The following WRNIP1 variants were observed in gnomAD, a reference collection of about 807,000 sequenced individuals.
WRNIP1 encodes the protein WRN helicase interacting protein 1, also known as ATPase WRNIP1.
Under a neutral mutation model 56.1 loss-of-function variants are expected in WRNIP1, and 41 were observed. The ratio of observed to expected loss-of-function variants is 0.73; its 90% CI spans 0.57 to 0.95. WRNIP1 has a LOEUF of 0.95. Among genes scored for constraint, WRNIP1 ranks in the 40% least tolerant of loss-of-function variants. WRNIP1 has a pLI of 0.00. For missense variants in WRNIP1, 1,170 were observed against 939.4 expected, an observed-to-expected ratio of 1.25 and a Z score of -3.21; for synonymous variants, 547 against 398.1, an observed-to-expected ratio of 1.37 and a Z score of -4.45.
chr6:2,769,001 G>A, intron 2 of WRNIP1, 119 bp downstream of exon 2: 1 of 989,086 alleles, frequency 1.0e-6, no homozygotes, highest in Non-Finnish European at 1.4e-6. Context: ...GCGTAGGCTT[G>A]TGAACCCATC....
chr6:2,765,629 G>A lies in WRNIP1; in HGVS notation c.7G>A (p.Val3Met). 3 of 1,534,140 alleles carry A rather than the reference G, an allele frequency of 2.0e-6. No individual in the cohort carries two copies. The South Asian group carries it at 3.5e-5, about 18-fold the overall frequency. ...GGGGAGGGCGGCGGCCGCCATGGAG[G>A]TGAGCGGGCCGGAAGACGACCCCTT... ME[V>M]SGPEDDPFLS... Residue 3 changes from valine (V) to methionine (M), a missense_variant, in exon 1 of 7, where the codon GTG becomes ATG. Val to Met is a conservative substitution (Grantham distance 21). Transcript: ENST00000380773.
chr6:2,783,788 A>G (rs1433823104), intron 5 of WRNIP1, among the ~76,000 whole-genome samples: 1 of 152,142 alleles, frequency 6.6e-6, no homozygotes, highest in Non-Finnish European at 1.5e-5. Flanking sequence ...TTATGTTCAT[A>G]AAGTCACCAT....
At chr6:2,770,085 G>A (rs1482194072) in intron 2 of WRNIP1, 35 bp from the exon 3 acceptor site, 1 of 1,611,840 alleles carries the variant, frequency 6.2e-7, no homozygotes, top group African/African-American at 1.3e-5. Flanking sequence ...GCTGTTGACT[G>A]GAATCACTTT....
intron 3 of WRNIP1, chr6:2,774,286 G>C (rs1765381935): frequency 3.0e-6 from 3 of 985,262 alleles, no homozygotes; most frequent in African/African-American, 3.5e-5. Flanking sequence ...TCCTGTGGCT[G>C]CTGTAACAAT....
intron 3 of WRNIP1, among the ~76,000 whole-genome samples, chr6:2,778,688 C>T (rs944372842): frequency 1.3e-5 from 2 of 152,176 alleles, no homozygotes; most frequent in East Asian, 1.9e-4. Context: ...CCAAGAGAAT[C>T]CTGAGACCTG....
chr6:2,779,328 G>A lies in WRNIP1; in HGVS notation c.1322G>A (p.Arg441Gln). Reference protein sequence around the residue: ...TLAYLSDGDARAGLNGLQLAV... With the variant: ...TLAYLSDGDAQAGLNGLQLAV... ...GCTTACCTCAGTGACGGTGACGCCC[G>A]AGCTGGGTTGAACGGACTGCAGCTG... The change falls in exon 4 of 7, where the codon CGA becomes CAA. Residue 441 changes from arginine to glutamine, a missense_variant. By Grantham distance (43) the Arg-to-Gln change is conservative. Coordinates refer to ENST00000380773, the MANE Select transcript of WRNIP1 (RefSeq NM_020135.3). The A allele has an allele frequency of 6.2e-6, 10 of 1,614,202 alleles. No individual in the cohort carries two copies. The highest frequency in any genetic ancestry group is 8.5e-6 in the Non-Finnish European group (10 of 1,180,038).
rs191526119 is a variant in WRNIP1 at position 2,766,156 on chromosome 6, G to T, written c.534G>T (p.Ala178=). 33 of 1,329,304 alleles carry T rather than the reference G, an allele frequency of 2.5e-5. No individual in the cohort carries two copies. In the African/African-American group the frequency reaches 4.9e-4, roughly 20 times the overall value. The allele number at this position is 1,329,304 out of a possible 1,614,324, so 82.3% of individuals were successfully genotyped here. The change falls in exon 1 of 7, where the codon GCG becomes GCT. Residue 178 remains alanine, a synonymous_variant. Coordinates refer to ENST00000380773, the MANE Select transcript of WRNIP1 (RefSeq NM_020135.3). ...AVGDGDGDGD[A]DADGEDDPGH... ...GCGACGGCGATGGCGACGGGGACGCGGACGCGGACGGCGAGGACGACCCGG... is the reference window on the plus strand; with the variant it reads ...GCGACGGCGATGGCGACGGGGACGCTGACGCGGACGGCGAGGACGACCCGG...
chr6:2,772,189 A>T (rs1388616515), intron 3 of WRNIP1, among the ~76,000 whole-genome samples: 9 of 152,240 alleles, frequency 5.9e-5, no homozygotes, highest in Admixed American at 3.9e-4. Flanking sequence ...ATTTGCAGGC[A>T]CATTAAAGTT....
intron 3 of WRNIP1, among the ~76,000 whole-genome samples, chr6:2,775,382 G>A (rs1395637648): frequency 6.6e-6 from 1 of 152,204 alleles, no homozygotes; most frequent in African/African-American, 2.4e-5. Context: ...ACATGTGGCT[G>A]TATTTGTGTC....
chr6:2,767,744 C>A (rs1347124653), intron 1 of WRNIP1, among the ~76,000 whole-genome samples: 3 of 152,176 alleles, frequency 2.0e-5, no homozygotes, highest in African/African-American at 7.2e-5. Flanking sequence ...CTTAGGGAGA[C>A]GAGTGGGTGA....
Position 2,783,653 on chromosome 6 carries a change from T to TTTTTTTGGGGG in WRNIP1, c.1642+92_1642+93insTTTTTTGGGGG. 1.2e-4 allele frequency: 15 copies of TTTTTTTGGGGG among 120,094 alleles called. 2 individuals carry two copies. Among genetic ancestry groups the TTTTTTTGGGGG allele is most frequent in the South Asian group, 8.6e-4 (3 of 3,482 alleles). The allele number at this position is 120,094 out of a possible 1,614,324, so 7.4% of individuals were successfully genotyped here. A position where few individuals can be genotyped will look rare whatever the true frequency, so the allele number is the denominator to read the frequency against. Reference sequence around the variant, plus strand: ...TCGTGGCTTTTTTTTTTTTTTTTTTTGCAGGGCGGGGTGGGCGGGGGTAGC... The same window carrying TTTTTTTGGGGG: ...TCGTGGCTTTTTTTTTTTTTTTTTTTTTTTTTGGGGGGCAGGGCGGGGTGGGCGGGGGTAGC... On this transcript the variant is annotated intron_variant, in intron 5 of 6. Transcript: ENST00000380773.
Position 2,785,279 on chromosome 6 carries a change from C to T in WRNIP1, c.1995C>T (p.Cys665=). The T allele has an allele frequency of 6.2e-7, 1 of 1,613,216 alleles. No homozygotes were observed. Among genetic ancestry groups the T allele is most frequent in the Non-Finnish European group, 8.5e-7 (1 of 1,179,436 alleles). The change falls in exon 7 of 7, where the codon TGC becomes TGT. Residue 665 remains cysteine, a synonymous_variant. Transcript: ENST00000380773. Reference sequence around the variant, plus strand: ...TAGATTTCTTCAAGCAGAGGAGGTGCTGACTCCTCAGGGCACGACAGCAGA... The same window carrying T: ...TAGATTTCTTCAAGCAGAGGAGGTGTTGACTCCTCAGGGCACGACAGCAGA... The part of the protein sequence containing the change: ...RGVDFFKQRR[C]
intron 3 of WRNIP1, chr6:2,774,266 T>C: frequency 1.0e-6 from 1 of 985,440 alleles, no homozygotes; most frequent in African/African-American, 1.7e-5. Context: ...TCATGGTCCT[T>C]GGATGCACTT....
chr6:2,781,679 G>A (rs1765564268), intron 4 of WRNIP1, among the ~76,000 whole-genome samples: 1 of 152,242 alleles, frequency 6.6e-6, no homozygotes, highest in South Asian at 2.1e-4. Context: ...TGACATCGGG[G>A]TTCTATAGAA....
intron 2 of WRNIP1, among the ~76,000 whole-genome samples, chr6:2,769,172 T>C (rs547139106): frequency 3.3e-5 from 5 of 152,374 alleles, no homozygotes; most frequent in Admixed American, 1.3e-4. Context: ...TTAATCTAAA[T>C]ACTAGGAGTC....
chr6:2,774,641 A>AG (rs1260675529), intron 3 of WRNIP1, among the ~76,000 whole-genome samples: 3 of 152,230 alleles, frequency 2.0e-5, no homozygotes, highest in Non-Finnish European at 4.4e-5. Flanking sequence ...TCCAGGGATT[A>AG]GGACTTACAT....
chr6:2,779,488 G>A lies in WRNIP1; in HGVS notation c.1482G>A (p.Arg494=). The A allele has an allele frequency of 6.2e-7, 1 of 1,612,884 alleles. No homozygotes were observed. ...AGCGATCCCACATTTTATATGACCG[G>A]GCAGGTAAGTAATTCACCTGTGGAA... ...GLQRSHILYD[R]AGEEHYNCIS... The change falls in exon 4 of 7, where the codon CGG becomes CGA. Residue 494 remains arginine, a synonymous_variant. Transcript: ENST00000380773.
At position 2,783,290 on chromosome 6, in the gene WRNIP1, G is replaced by A. The variant is rs566400822; in HGVS notation, c.1487-116G>A. The A allele has an allele frequency of 9.7e-5, 116 of 1,192,928 alleles. 1 individual carries two copies. The South Asian group carries it at 1.3e-3, about 13-fold the overall frequency. 73.9% of individuals were successfully genotyped at this position (1,192,928 alleles called of 1,614,324 possible). A position where few individuals can be genotyped will look rare whatever the true frequency, so the allele number is the denominator to read the frequency against. On this transcript the variant is annotated intron_variant, in intron 4 of 6. Coordinates refer to ENST00000380773, the MANE Select transcript of WRNIP1 (RefSeq NM_020135.3). ...AAGGCAGCTGCCCAAACCTCTCCTC[G>A]GCTTTCTCAGGGCCTTTATTCGTTC...
chr6:2,766,063 C>T lies in WRNIP1; in HGVS notation c.441C>T (p.Ala147=), dbSNP rs1167626337. ...CGGGGAAGAGGCCGGCGGCCGCCGCCGCGGCGGGGAGCGCGTCTCCGCGCA... is the reference window on the plus strand; with the variant it reads ...CGGGGAAGAGGCCGGCGGCCGCCGCTGCGGCGGGGAGCGCGTCTCCGCGCA... ...KGSGKRPAAA[A]AAGSASPRSW... Residue 147 remains alanine (A), a synonymous_variant, in exon 1 of 7, where the codon GCC becomes GCT. Coordinates refer to ENST00000380773, the MANE Select transcript of WRNIP1 (RefSeq NM_020135.3). 4 of 1,293,240 alleles carry T rather than the reference C, an allele frequency of 3.1e-6. No homozygotes were observed. The highest frequency in any genetic ancestry group is 3.1e-5 in the African/African-American group (2 of 64,590). 80.1% of individuals were successfully genotyped at this position (1,293,240 alleles called of 1,614,324 possible).
Sources: allele counts gnomAD v4.1 joint callset (sites outside exome capture counted in the v4.1 genomes callset), GRCh38; gene constraint gnomAD v4.1.1; transcripts MANE v1.5; gene names NCBI Gene and HGNC (gene_info 2026-07-23, HGNC 2026-07-21).